FMNL3: variants seen among roughly 807,000 people sequenced by gnomAD.
FMNL3 encodes formin like 3, also known as formin-like protein 3.
FMNL3 carries 57 observed loss-of-function variants against 119.6 expected under a neutral mutation model. That is an observed-to-expected ratio of 0.48 (90% CI 0.39 to 0.59). The LOEUF is 0.59. Ranked by LOEUF, FMNL3 falls within the 20% of genes least tolerant of loss-of-function variation. FMNL3 has a pLI of 0.00. For missense variants in FMNL3, 1,053 were observed against 1,323.5 expected (o/e 0.80, Z 3.17); for synonymous variants, 491 against 507.3 (o/e 0.97, Z 0.43).
In FMNL3 at chr12:49,639,047, C is replaced by G. The variant is rs1480423439; in HGVS notation, c.*6768G>C. 1 of 152,192 alleles carries G rather than the reference C, an allele frequency of 6.6e-6. No homozygotes were observed. The highest frequency in any genetic ancestry group is 2.4e-5 in the African/African-American group (1 of 41,432). 9.4% of individuals were successfully genotyped at this position (152,192 alleles called of 1,614,324 possible). The stretch of plus-strand genomic sequence containing the variant: ...TACTGTCCTGAGGTATCCTCTCTTT[C>G]TCTGGAACCACATGCCCCAGCTTGG... On this transcript the variant is annotated 3_prime_UTR_variant, in exon 26 of 26. Coordinates refer to ENST00000335154, the MANE Select transcript of FMNL3 (RefSeq NM_175736.5).
chr12:49,666,081 G>A, intron 3 of FMNL3, 46 bp downstream of exon 3: 2 of 1,589,618 alleles, frequency 1.3e-6, no homozygotes, highest in South Asian at 2.2e-5. Context: ...AACCCCACAG[G>A]ACTATAAAGG....
chr12:49,681,201 C>T (rs1944324310), intron 1 of FMNL3, among the ~76,000 whole-genome samples: 3 of 152,228 alleles, frequency 2.0e-5, no homozygotes, highest in South Asian at 4.1e-4. Context: ...ATCTGAGTAG[C>T]ATTTTATTTT....
Position 49,643,659 on chromosome 12 carries a change from T to C in FMNL3, c.*2156A>G. On this transcript the variant is annotated 3_prime_UTR_variant, in exon 26 of 26. Transcript: ENST00000335154. Reference sequence around the variant, plus strand: ...AGAAAAAGAGCCTGTCTTTCTCCTGTTGGGACTTAGTAGGGATTTTTCTAT... The same window carrying C: ...AGAAAAAGAGCCTGTCTTTCTCCTGCTGGGACTTAGTAGGGATTTTTCTAT... The C allele has an allele frequency of 6.2e-7, 1 of 1,605,166 alleles. No homozygotes were observed.
At chr12:49,648,502 C>G (rs1943286769) in intron 21 of FMNL3, 149 bp from the exon 22 acceptor site, 2 of 776,902 alleles carry the variant, frequency 2.6e-6, no homozygotes, top group African/African-American at 1.8e-5. Context: ...ACACACCAAG[C>G]TAGCTGATCC....
rs905475751 is a variant in FMNL3, at chr12:49,642,735, A to T, written c.*3080T>A. The T allele has an allele frequency of 1.4e-5, 22 of 1,556,894 alleles. No homozygotes were observed. The highest frequency in any genetic ancestry group is 1.9e-5 in the Non-Finnish European group (22 of 1,142,566). On this transcript the variant is annotated 3_prime_UTR_variant, in exon 26 of 26. Transcript: ENST00000335154. This position sits in a 1 kb window ranked among gnomAD's most constrained non-coding sequence, Gnocchi z 5.8. ...CCCTTGAACTCATTAGACCAGTTCA[A>T]CAGAGACCTCAGTGGCCTCCCTCTT...
chr12:49,692,758 C>T (rs1477385346), intron 1 of FMNL3, among the ~76,000 whole-genome samples: 1 of 152,016 alleles, frequency 6.6e-6, no homozygotes, highest in Non-Finnish European at 1.5e-5. Flanking sequence ...AATCAACAAT[C>T]TGGGAGATGC....
At position 49,647,207 on chromosome 12, in the gene FMNL3, C is replaced by G; in HGVS notation, c.2871+69G>C. 1 of 1,592,376 alleles carries G rather than the reference C, an allele frequency of 6.3e-7. No homozygotes were observed. Among genetic ancestry groups the G allele is most frequent in the Non-Finnish European group, 8.6e-7 (1 of 1,161,628 alleles). On this transcript the variant is annotated intron_variant, in intron 24 of 25. Transcript: ENST00000335154. This position sits in a 1 kb window ranked among gnomAD's most constrained non-coding sequence, Gnocchi z 4.9. ...CACTCCAAGTTTTCATCTCCTCTAG[C>G]CTTCTGACCCCCAGCCCCCACTCTT...
intron 13 of FMNL3, 103 bp from the exon 14 acceptor site, chr12:49,652,315 G>A: frequency 1.4e-6 from 2 of 1,470,144 alleles, no homozygotes; most frequent in Non-Finnish European, 1.8e-6. Context: ...GAGGGTCTCT[G>A]TCAGGGTACT....
intron 5 of FMNL3, chr12:49,659,986 G>A (rs562752301): frequency 2.7e-5 from 27 of 983,720 alleles, no homozygotes; most frequent in African/African-American, 1.4e-4. Context: ...ATTTACAGAC[G>A]TCAGAATGTT....
chr12:49,643,108 G>A lies in FMNL3; in HGVS notation c.*2707C>T, dbSNP rs139701487. On this transcript the variant is annotated 3_prime_UTR_variant, in exon 26 of 26. Coordinates refer to ENST00000335154, the MANE Select transcript of FMNL3 (RefSeq NM_175736.5). Reference sequence around the variant, plus strand: ...TTCCCCTTACAATATCTCCCTTGGAGGGAAGTTTGAGGATTCCTTTGGCCC... The same window carrying A: ...TTCCCCTTACAATATCTCCCTTGGAAGGAAGTTTGAGGATTCCTTTGGCCC... 91 of 1,588,636 alleles carry A rather than the reference G, an allele frequency of 5.7e-5. No individual in the cohort carries two copies. In the African/African-American group the frequency reaches 1.0e-3, roughly 18 times the overall value.
At position 49,644,001 on chromosome 12, in the gene FMNL3, G is replaced by A; in HGVS notation, c.*1814C>T. 6.2e-7 allele frequency: 1 copy of A among 1,614,180 alleles called. No homozygotes were observed. Among genetic ancestry groups the A allele is most frequent in the Non-Finnish European group, 8.5e-7 (1 of 1,180,030 alleles). On this transcript the variant is annotated 3_prime_UTR_variant, in exon 26 of 26. Transcript: ENST00000335154. ...CCCCAGGCTTTGGAATCAAGAAGGA[G>A]AAGGTGAGGGGCAGGGGCCCTAGGC... is the stretch of plus-strand genomic sequence containing the variant.
chr12:49,702,913 G>A (rs1253280608), intron 1 of FMNL3, among the ~76,000 whole-genome samples: 1 of 152,140 alleles, frequency 6.6e-6, no homozygotes, highest in Non-Finnish European at 1.5e-5. Flanking sequence ...GCCCATTTCT[G>A]TGTCAAAGGA....
intron 1 of FMNL3, among the ~76,000 whole-genome samples, chr12:49,688,289 A>G (rs2138987731): frequency 6.6e-6 from 1 of 152,310 alleles, no homozygotes; most frequent in Admixed American, 6.5e-5. Flanking sequence ...CTCAGGCCAA[A>G]CTGCTGCCCA....
At chr12:49,667,418 G>A (rs1043895121) in intron 2 of FMNL3, among the ~76,000 whole-genome samples, 6 of 152,206 alleles carry the variant, frequency 3.9e-5, no homozygotes, top group African/African-American at 1.2e-4. Context: ...CAGAACACAA[G>A]GATATGGACC....
chr12:49,658,813 A>C (rs11169097), intron 5 of FMNL3, among the ~76,000 whole-genome samples: 32,534 of 151,960 alleles, frequency 0.21, 5,802 homozygotes, highest in African/African-American at 0.5. Context: ...AGGCAGCAAC[A>C]AGGAGGGCAG....
intron 1 of FMNL3, among the ~76,000 whole-genome samples, chr12:49,697,817 G>C (rs1005101954): frequency 6.6e-6 from 1 of 151,752 alleles, no homozygotes; most frequent in Non-Finnish European, 1.5e-5. Flanking sequence ...GGATGAAATT[G>C]ACTCAGAAAA....
chr12:49,689,565 A>G (rs983693837), intron 1 of FMNL3, among the ~76,000 whole-genome samples: 2 of 152,138 alleles, frequency 1.3e-5, no homozygotes, highest in African/African-American at 4.8e-5. Context: ...GCAAGATACC[A>G]TCTCTACAAA....
At chr12:49,696,423 TTTGA>T (rs1362791285) in intron 1 of FMNL3, among the ~76,000 whole-genome samples, 1 of 152,224 alleles carries the variant, frequency 6.6e-6, no homozygotes, top group Non-Finnish European at 1.5e-5. Flanking sequence ...TCAATTCTCG[TTTGA>T]TTGAAAAATC....
intron 13 of FMNL3, 143 bp from the exon 14 acceptor site, chr12:49,652,355 G>T: frequency 7.1e-7 from 1 of 1,408,384 alleles, no homozygotes; most frequent in South Asian, 1.5e-5. Context: ...AAACCCAGGT[G>T]GGGGAATGAG....
Sources: gnomAD v4.1 joint callset for allele counts (sites outside exome capture counted in the v4.1 genomes callset) on GRCh38, gnomAD v4.1.1 for gene constraint, Gnocchi (gnomAD v3.1) non-coding constraint, MANE v1.5 for transcripts, NCBI Gene and HGNC (gene_info 2026-07-23, HGNC 2026-07-21) for gene names.